The following NARS2 variants were observed in gnomAD, a reference collection of about 807,000 sequenced individuals.
NARS2 encodes the protein asparaginyl-tRNA synthetase 2, mitochondrial.
NARS2 carries 60 observed loss-of-function variants against 62.9 expected under a neutral mutation model. The ratio of observed to expected loss-of-function variants is 0.95; its 90% CI spans 0.77 to 1.18. NARS2 has a LOEUF of 1.18. Ranked by LOEUF, NARS2 falls within the 50% of genes most tolerant of loss-of-function variation. The pLI is 0.00. For missense variants in NARS2, 619 were observed against 576.4 expected (o/e 1.07, Z -0.76); for synonymous variants, 196 against 200.0 (o/e 0.98, Z 0.17).
chr11:78,484,694 A>G (rs978387440), intron 7 of NARS2, among the ~76,000 whole-genome samples: 11 of 152,252 alleles, frequency 7.2e-5, no homozygotes, highest in African/African-American at 1.4e-4. Flanking sequence ...ATACCATCTT[A>G]TATCAGTTAG....
intron 7 of NARS2, among the ~76,000 whole-genome samples, chr11:78,487,517 A>T (rs1173988001): frequency 1.3e-5 from 2 of 152,190 alleles, no homozygotes; most frequent in Non-Finnish European, 2.9e-5. Flanking sequence ...AGCAGAAAAG[A>T]CAAAAAAGGG....
chr11:78,501,680 A>AT lies in NARS2; in HGVS notation c.690-8486dup, dbSNP rs1224210740. Among the ~76,000 whole-genome samples, 5 of 152,352 alleles carry AT rather than the reference A, an allele frequency of 3.3e-5. No individual in the cohort carries two copies. The East Asian group carries it at 9.6e-4, about 29-fold the overall frequency. On this transcript the variant is annotated intron_variant, in intron 6 of 13. Transcript: ENST00000281038. ...TTTTAAAAGGTTTTTTGATGGCTAAATTTTGAAAATAAAAAATAACAATGT... is the reference window on the plus strand; with the variant it reads ...TTTTAAAAGGTTTTTTGATGGCTAAATTTTTGAAAATAAAAAATAACAATGT...
At chr11:78,439,660 G>T (rs750756650) in intron 13 of NARS2, among the ~76,000 whole-genome samples, 6 of 152,012 alleles carry the variant, frequency 3.9e-5, no homozygotes, top group Non-Finnish European at 8.8e-5. Context: ...GCATTCAAAG[G>T]CCATCACCTG....
At chr11:78,471,004 CAACT>C (rs1339782735) in intron 9 of NARS2, among the ~76,000 whole-genome samples, 5 of 149,466 alleles carry the variant, frequency 3.3e-5, no homozygotes, top group Non-Finnish European at 5.9e-5. Context: ...ATATCCATAA[CAACT>C]AACCAGAAAG....
intron 5 of NARS2, among the ~76,000 whole-genome samples, chr11:78,541,114 A>C (rs1030081126): frequency 1.3e-5 from 2 of 152,174 alleles, no homozygotes; most frequent in Non-Finnish European, 2.9e-5. Flanking sequence ...AGCTGAAACT[A>C]GTACTATTGT....
At chr11:78,542,836 C>A (rs992278193) in intron 5 of NARS2, among the ~76,000 whole-genome samples, 1 of 152,212 alleles carries the variant, frequency 6.6e-6, no homozygotes, top group African/African-American at 2.4e-5. Context: ...GAGGTCAAGG[C>A]TGCAGACAGC....
chr11:78,517,020 T>C lies in NARS2; in HGVS notation c.689+11822A>G, dbSNP rs140467290. 8.7e-3 allele frequency among the ~76,000 whole-genome samples: 1,321 copies of C among 152,290 alleles called. 45 individuals are homozygous for C. The highest frequency in any genetic ancestry group is 0.066 in the Admixed American group (1,006 of 15,302). ...CATTTTTAAGCTGAGTTTAGCCTAA[T>C]AGGCAGGAGTTAGCCAGACAAAGGC... On this transcript the variant is annotated intron_variant, in intron 6 of 13. Coordinates refer to ENST00000281038, the MANE Select transcript of NARS2 (RefSeq NM_024678.6).
intron 13 of NARS2, 61 bp downstream of exon 13, chr11:78,441,030 G>A (rs372795076): frequency 1.0e-5 from 15 of 1,489,426 alleles, no homozygotes; most frequent in African/African-American, 2.8e-5. Flanking sequence ...AAGTAAAAAC[G>A]CTTCTAGGCA....
In NARS2 at chr11:78,552,085, A is replaced by G. The variant is rs1486205991; in HGVS notation, c.594+7454T>C. Among the ~76,000 whole-genome samples the G allele has an allele frequency of 4.6e-5, 7 of 152,158 alleles. No individual in the cohort carries two copies. The South Asian group carries it at 1.0e-3, about 23-fold the overall frequency. On this transcript the variant is annotated intron_variant, in intron 5 of 13. Transcript: ENST00000281038. ...CATGGGAGTTTGTTGTACATATTACATAACCCAGGTATTAAGCTCAGTACC... is the reference window on the plus strand; with the variant it reads ...CATGGGAGTTTGTTGTACATATTACGTAACCCAGGTATTAAGCTCAGTACC...
At chr11:78,444,399 A>C (rs1025388031) in intron 11 of NARS2, among the ~76,000 whole-genome samples, 3 of 152,212 alleles carry the variant, frequency 2.0e-5, no homozygotes, top group Non-Finnish European at 2.9e-5. Flanking sequence ...TAAAAAAACA[A>C]GATACCATTC....
intron 5 of NARS2, 119 bp downstream of exon 5, chr11:78,559,420 T>C (rs1856482107): frequency 5.8e-6 from 4 of 686,312 alleles, no homozygotes; most frequent in Admixed American, 4.8e-5. Flanking sequence ...AGGATTTTTA[T>C]TGACAATTTC....
intron 1 of NARS2, among the ~76,000 whole-genome samples, chr11:78,574,125 T>C (rs1857028042): frequency 6.6e-6 from 1 of 152,182 alleles, no homozygotes; most frequent in Admixed American, 6.5e-5. Context: ...TTACAGGTAA[T>C]ACCCTGGAAT....
chr11:78,489,697 T>C (rs1234030491), intron 7 of NARS2, among the ~76,000 whole-genome samples: 1 of 152,134 alleles, frequency 6.6e-6, no homozygotes, highest in Non-Finnish European at 1.5e-5. Flanking sequence ...ATCTGTATAA[T>C]GAAGACTATA....
chr11:78,513,346 C>CTT (rs71046977), intron 6 of NARS2, among the ~76,000 whole-genome samples: 114 of 142,094 alleles, frequency 8.0e-4, no homozygotes, highest in African/African-American at 3.0e-3. Flanking sequence ...TTCACTCTTT[C>CTT]TTTTTTTTTT....
At chr11:78,522,764 T>A (rs1861176544) in intron 6 of NARS2, among the ~76,000 whole-genome samples, 1 of 152,076 alleles carries the variant, frequency 6.6e-6, no homozygotes, top group Admixed American at 6.6e-5. Context: ...TCAAAAGCAT[T>A]TTTTTTATAA....
chr11:78,561,114 A>C (rs995563104), intron 4 of NARS2, among the ~76,000 whole-genome samples: 1 of 152,198 alleles, frequency 6.6e-6, no homozygotes, highest in African/African-American at 2.4e-5. Flanking sequence ...TAAATCACAC[A>C]CCTAGTGGGA....
In NARS2 at chr11:78,568,960, AGAGTT is replaced by A. The variant is rs151238848; in HGVS notation, c.252-213_252-209del. Among the ~76,000 whole-genome samples, 767 of 152,312 alleles carry A rather than the reference AGAGTT, an allele frequency of 5.0e-3. 5 individuals are homozygous for A. The highest frequency in any genetic ancestry group is 0.018 in the African/African-American group (731 of 41,562). On this transcript the variant is annotated intron_variant, in intron 2 of 13. Transcript: ENST00000281038. ...ATTCCATAAGCTTTAAAATGGGAAT[AGAGTT>A]AAGAATTTGTATAATTAATTCAGAA...
chr11:78,558,756 T>C (rs1231954004), intron 5 of NARS2, among the ~76,000 whole-genome samples: 1 of 152,230 alleles, frequency 6.6e-6, no homozygotes, highest in Non-Finnish European at 1.5e-5. Flanking sequence ...TTTAAGAGCC[T>C]TCATGGGATG....
chr11:78,559,403 T>C (rs1197326281), intron 5 of NARS2, 136 bp downstream of exon 5: 1 of 633,430 alleles, frequency 1.6e-6, no homozygotes, highest in African/African-American at 1.8e-5. Context: ...TCTATGTAAG[T>C]TTTTCAAGGA....
Sources: allele counts gnomAD v4.1 joint callset (sites outside exome capture counted in the v4.1 genomes callset), GRCh38; gene constraint gnomAD v4.1.1; transcripts MANE v1.5; gene names NCBI Gene and HGNC (gene_info 2026-07-23, HGNC 2026-07-21).